HS6ST3: variants seen among roughly 807,000 people sequenced by gnomAD.
The protein encoded by HS6ST3 is heparan-sulfate 6-O-sulfotransferase 3.
Under a neutral mutation model 36.7 loss-of-function variants are expected in HS6ST3, and 12 were observed. The ratio of observed to expected loss-of-function variants is 0.33; its 90% CI spans 0.21 to 0.53. HS6ST3 has a LOEUF of 0.53. HS6ST3 is among the 20% of genes least tolerant of loss of function. The pLI, the probability that HS6ST3 is intolerant of heterozygous loss-of-function variation, is 0.95. For synonymous variants in HS6ST3, 240 were observed against 257.5 expected, an observed-to-expected ratio of 0.93 and a Z score of 0.65; for missense variants, 584 against 640.9, an observed-to-expected ratio of 0.91 and a Z score of 0.96.
At chr13:96,681,769 C>T (rs1363982187) in intron 1 of HS6ST3, among the ~76,000 whole-genome samples, 2 of 152,092 alleles carry the variant, frequency 1.3e-5, no homozygotes, top group Non-Finnish European at 2.9e-5. Flanking sequence ...CTACATAGCC[C>T]AGTTTTTAAA....
intron 1 of HS6ST3, among the ~76,000 whole-genome samples, chr13:96,632,363 A>G (rs1258002750): frequency 1.3e-5 from 2 of 151,034 alleles, no homozygotes; most frequent in African/African-American, 4.9e-5. Flanking sequence ...GACCCATTCT[A>G]GGGCATTTTG....
intron 1 of HS6ST3, among the ~76,000 whole-genome samples, chr13:96,602,794 G>T (rs1011665986): frequency 1.3e-5 from 2 of 152,184 alleles, no homozygotes; most frequent in Non-Finnish European, 2.9e-5. Flanking sequence ...GCCTGTTGCT[G>T]TATTTTACTG....
intron 1 of HS6ST3, among the ~76,000 whole-genome samples, chr13:96,751,727 G>T (rs140849831): frequency 6.6e-6 from 1 of 151,646 alleles, no homozygotes; most frequent in Non-Finnish European, 1.5e-5. Context: ...GGAAAAAAAG[G>T]CTCTATTTTC....
At chr13:96,313,893 G>A (rs977847547) in intron 1 of HS6ST3, among the ~76,000 whole-genome samples, 1 of 152,088 alleles carries the variant, frequency 6.6e-6, no homozygotes, top group Non-Finnish European at 1.5e-5. Flanking sequence ...ACTGCACACT[G>A]AGCATTTGCC....
intron 1 of HS6ST3, among the ~76,000 whole-genome samples, chr13:96,714,598 T>A (rs551807824): frequency 9.8e-5 from 15 of 152,310 alleles, no homozygotes; most frequent in Admixed American, 2.6e-4. Flanking sequence ...TATACTAAAG[T>A]TGAAGATGTG....
At chr13:96,517,104 C>T (rs1446750365) in intron 1 of HS6ST3, among the ~76,000 whole-genome samples, 2 of 152,016 alleles carry the variant, frequency 1.3e-5, no homozygotes, top group African/African-American at 4.8e-5. Flanking sequence ...CCAGGCCAGG[C>T]GCAGTGGCTC....
intron 1 of HS6ST3, among the ~76,000 whole-genome samples, chr13:96,718,178 A>G (rs1475625672): frequency 6.6e-6 from 1 of 152,182 alleles, no homozygotes; most frequent in Admixed American, 6.5e-5. Flanking sequence ...AGTGATTATT[A>G]AATAATCATC....
intron 1 of HS6ST3, among the ~76,000 whole-genome samples, chr13:96,738,081 G>A (rs1013474673): frequency 1.1e-4 from 16 of 152,254 alleles, no homozygotes; most frequent in African/African-American, 3.6e-4. Context: ...CTGTGGATTA[G>A]GATGTGAGCA....
At chr13:96,094,260 A>G (rs2053779230) in intron 1 of HS6ST3, among the ~76,000 whole-genome samples, 1 of 152,238 alleles carries the variant, frequency 6.6e-6, no homozygotes, top group South Asian at 2.1e-4. Flanking sequence ...AATGCTTAGC[A>G]TAGTATATAT....
chr13:96,350,218 C>T (rs1271239913), intron 1 of HS6ST3, among the ~76,000 whole-genome samples: 1 of 152,206 alleles, frequency 6.6e-6, no homozygotes, highest in East Asian at 1.9e-4. Flanking sequence ...TTTTCCACAT[C>T]TATTGTTTTT....
At chr13:96,414,775 A>G (rs1468442160) in intron 1 of HS6ST3, among the ~76,000 whole-genome samples, 2 of 152,114 alleles carry the variant, frequency 1.3e-5, no homozygotes, top group Non-Finnish European at 2.9e-5. Flanking sequence ...AGCCACCACT[A>G]CCAGCCTTGA....
chr13:96,384,971 G>A (rs1238996228), intron 1 of HS6ST3, among the ~76,000 whole-genome samples: 4 of 152,016 alleles, frequency 2.6e-5, no homozygotes, highest in Admixed American at 2.6e-4. Flanking sequence ...CCTGAGGTTG[G>A]GAGTTCGAGA....
intron 1 of HS6ST3, among the ~76,000 whole-genome samples, chr13:96,321,740 GCCTCAGTC>G (rs1367293821): frequency 1.3e-5 from 2 of 152,046 alleles, no homozygotes; most frequent in African/African-American, 4.8e-5. Flanking sequence ...TCCCAGCAAT[GCCTCAGTC>G]CGTGGCAGAT....
intron 1 of HS6ST3, among the ~76,000 whole-genome samples, chr13:96,254,280 G>T (rs2054621136): frequency 6.6e-6 from 1 of 151,024 alleles, no homozygotes; most frequent in African/African-American, 2.4e-5. Flanking sequence ...TGGGCGTGGT[G>T]TTGCGTGCCT....
chr13:96,175,469 G>T (rs1566900059), intron 1 of HS6ST3, among the ~76,000 whole-genome samples: 1 of 151,720 alleles, frequency 6.6e-6, no homozygotes, highest in Non-Finnish European at 1.5e-5. Flanking sequence ...GTTCCTTTCG[G>T]TTCAATATCA....
Position 96,327,008 on chromosome 13 carries a change from T to C in HS6ST3, c.707+235439T>C, listed in dbSNP as rs372337438. ...AGAAGTGTCTGTTCATGTCCTTTGC[T>C]CACTTTTTGATGGGGTTGTTTGTTT... On this transcript the variant is annotated intron_variant, in intron 1 of 1. Coordinates refer to ENST00000376705, the MANE Select transcript of HS6ST3 (RefSeq NM_153456.4). 8.3e-5 allele frequency among the ~76,000 whole-genome samples: 12 copies of C among 145,076 alleles called. No individual in the cohort carries two copies. In the East Asian group the frequency reaches 1.2e-3, roughly 15 times the overall value.
At chr13:96,128,083 T>C (rs1213784193) in intron 1 of HS6ST3, among the ~76,000 whole-genome samples, 1 of 152,194 alleles carries the variant, frequency 6.6e-6, no homozygotes, top group African/African-American at 2.4e-5. Context: ...TGTACACTTA[T>C]CGAGTGATTA....
intron 1 of HS6ST3, among the ~76,000 whole-genome samples, chr13:96,582,108 A>G (rs1337327513): frequency 6.6e-6 from 1 of 152,236 alleles, no homozygotes; most frequent in East Asian, 1.9e-4. Context: ...CAAAGATTTT[A>G]AAGAAAATGC....
intron 1 of HS6ST3, among the ~76,000 whole-genome samples, chr13:96,517,631 A>G (rs1191422995): frequency 6.6e-6 from 1 of 152,116 alleles, no homozygotes; most frequent in Non-Finnish European, 1.5e-5. Flanking sequence ...CTTGGGGCAC[A>G]TGTGCAGGTT....
Sources: gnomAD v4.1 joint callset for allele counts (sites outside exome capture counted in the v4.1 genomes callset) on GRCh38, gnomAD v4.1.1 for gene constraint, MANE v1.5 for transcripts, NCBI Gene and HGNC (gene_info 2026-07-23, HGNC 2026-07-21) for gene names.